Variants in TMEM221 observed in about 807,000 individuals in gnomAD.
The protein encoded by TMEM221 is Putative transmembrane protein ENSP00000342162.
TMEM221 carries 11 observed loss-of-function variants against 10.2 expected under a neutral mutation model. The ratio of observed to expected loss-of-function variants is 1.08; its 90% CI spans 0.68 to 1.79. The LOEUF (loss-of-function observed/expected upper bound fraction) is 1.79, where lower values mean the gene tolerates loss of function less well. TMEM221 is among the 40% of genes most tolerant of loss of function. The pLI is 0.00. For synonymous variants in TMEM221, 172 were observed against 199.8 expected (o/e 0.86, Z 1.18); for missense variants, 382 against 417.7 (o/e 0.91, Z 0.75).
chr19:17,447,002 A>G (rs936549725), intron 1 of TMEM221, among the ~76,000 whole-genome samples: 11 of 151,902 alleles, frequency 7.2e-5, no homozygotes, highest in Non-Finnish European at 1.2e-4. Context: ...TGGGTGGGTC[A>G]TTTGAGGTCA....
chr19:17,438,905 T>C (rs2074920592), intron 2 of TMEM221, among the ~76,000 whole-genome samples: 1 of 142,954 alleles, frequency 7.0e-6, no homozygotes, highest in Non-Finnish European at 1.5e-5. Flanking sequence ...ACACCTGCTC[T>C]ATCTCTTAAG....
intron 2 of TMEM221, 133 bp downstream of exon 2, chr19:17,445,066 C>A: frequency 1.3e-6 from 1 of 767,080 alleles, no homozygotes; most frequent in South Asian, 1.7e-5. Flanking sequence ...CCCAAGGCAC[C>A]AAAGCAAAGA....
chr19:17,445,101 CAAG>C (rs2074947667), intron 2 of TMEM221, 95 bp downstream of exon 2: 2 of 1,130,824 alleles, frequency 1.8e-6, no homozygotes, highest in South Asian at 1.4e-5. Context: ...GAGTTGAACT[CAAG>C]GAGGCTGTCT....
At chr19:17,444,389 C>A (rs1227884697) in intron 2 of TMEM221, among the ~76,000 whole-genome samples, 2 of 151,626 alleles carry the variant, frequency 1.3e-5, no homozygotes, top group Non-Finnish European at 2.9e-5. Context: ...GGCCAAAATG[C>A]TATCTTTAGA....
At chr19:17,437,005 G>T in intron 2 of TMEM221, 78 bp from the exon 3 acceptor site, 6 of 1,166,330 alleles carry the variant, frequency 5.1e-6, no homozygotes, top group Non-Finnish European at 6.7e-6. Context: ...CTTGCACACA[G>T]GGAGAAATTA....
chr19:17,445,178 A>C, intron 2 of TMEM221, 21 bp downstream of exon 2: 2 of 1,531,902 alleles, frequency 1.3e-6, no homozygotes, highest in Non-Finnish European at 1.7e-6. Context: ...CCCATGCCCC[A>C]CGTTCTATTC....
chr19:17,438,108 A>G (rs1295777332), intron 2 of TMEM221, among the ~76,000 whole-genome samples: 1 of 109,594 alleles, frequency 9.1e-6, no homozygotes, highest in Non-Finnish European at 1.8e-5. Flanking sequence ...TTTTTTTTTG[A>G]GACAGAATCT....
intron 1 of TMEM221, 106 bp from the exon 2 acceptor site, chr19:17,445,390 A>T (rs2074949053): frequency 2.3e-6 from 2 of 883,068 alleles, no homozygotes; most frequent in Non-Finnish European, 3.4e-6. Context: ...ACAAGGACCC[A>T]GCTTTCAGGG....
In TMEM221 at chr19:17,445,259, G is replaced by A. The variant is rs932780458; in HGVS notation, c.346C>T (p.Arg116Cys). ...CCAAGGGCCACATGTCTGAGGAGGC[G>A]GCAGTCGTAGAGAAACCAGTCAGAC... ...RRSDWFLYDCRLLRHVALGLF... is the reference protein window; with the variant it reads ...RRSDWFLYDCCLLRHVALGLF... The change falls in exon 2 of 3, where the codon CGC becomes TGC. Residue 116 changes from arginine to cysteine, a missense_variant. Coordinates refer to ENST00000341130, the MANE Select transcript of TMEM221 (RefSeq NM_001190844.2). 9.9e-5 allele frequency: 152 copies of A among 1,535,720 alleles called. No individual in the cohort carries two copies. The highest frequency in any genetic ancestry group is 1.3e-4 in the Non-Finnish European group (145 of 1,146,660).
intron 1 of TMEM221, 24 bp from the exon 2 acceptor site, chr19:17,445,308 A>G (rs1194934085): frequency 1.1e-5 from 17 of 1,525,346 alleles, no homozygotes; most frequent in Non-Finnish European, 1.4e-5. Flanking sequence ...GAGCAGGAAG[A>G]TAAAGGGTTC....
At chr19:17,440,583 G>T (rs1483852947) in intron 2 of TMEM221, among the ~76,000 whole-genome samples, 6 of 152,148 alleles carry the variant, frequency 3.9e-5, no homozygotes, top group Non-Finnish European at 8.8e-5. Context: ...AACTTAACTG[G>T]GTATGGTGGT....
chr19:17,436,651 T>C lies in TMEM221; in HGVS notation c.683A>G (p.Asp228Gly). 1.3e-6 allele frequency: 2 copies of C among 1,535,754 alleles called. No individual in the cohort carries two copies. Among genetic ancestry groups the C allele is most frequent in the Non-Finnish European group, 1.7e-6 (2 of 1,146,774 alleles). Reference sequence around the variant, plus strand: ...GGCAGTGGCCATGGACCCAAAGGGGTCCCCAGGCTCTGGACAGGTTGAATA... The same window carrying C: ...GGCAGTGGCCATGGACCCAAAGGGGCCCCCAGGCTCTGGACAGGTTGAATA... ...TPYSTCPEPG[D>G]PFGSMATATA... is the part of the protein sequence containing the mutation. The change falls in exon 3 of 3, where the codon GAC (aspartate) becomes GGC (glycine). Residue 228 changes from aspartate to glycine, a missense_variant. Transcript: ENST00000341130.
Position 17,448,209 on chromosome 19 carries a change from C to T in TMEM221, c.254G>A (p.Cys85Tyr). The T allele has an allele frequency of 4.9e-6, 7 of 1,428,640 alleles. No homozygotes were observed. The East Asian group carries it at 2.1e-4, about 43-fold the overall frequency. 88.5% of individuals were successfully genotyped at this position (1,428,640 alleles called of 1,614,324 possible). The change falls in exon 1 of 3, where the codon TGC becomes TAC. Residue 85 changes from cysteine (C) to tyrosine (Y), a missense_variant. Cys to Tyr is a radical substitution (Grantham distance 194). Coordinates refer to ENST00000341130, the MANE Select transcript of TMEM221 (RefSeq NM_001190844.2). The surrounding 1 kb of genome is among the most constrained non-coding windows in gnomAD (Gnocchi z 4.7). ...GCCACAGAGCGCGGCGAGCAGCAAG[C>T]AGGTGAACCCCAGCACGAGCACCAG... ...AALVLVLGFT[C>Y]LLLAALCGHL...
At chr19:17,446,805 C>T (rs1325676096) in intron 1 of TMEM221, among the ~76,000 whole-genome samples, 4 of 152,136 alleles carry the variant, frequency 2.6e-5, no homozygotes, top group Middle Eastern at 3.2e-3. Flanking sequence ...GATCATGGCT[C>T]ACTGCAGCCT....
rs545289728 is a variant in TMEM221 at position 17,436,748 on chromosome 19, C to T, written c.586G>A (p.Ala196Thr). 2.2e-4 allele frequency: 338 copies of T among 1,523,566 alleles called. No individual in the cohort carries two copies. The highest frequency in any genetic ancestry group is 2.9e-4 in the Non-Finnish European group (334 of 1,139,442). 94.4% of individuals were successfully genotyped at this position (1,523,566 alleles called of 1,614,324 possible). The part of the protein sequence containing the change: ...LSPPSFEDDL[A>T]RPAEVSKASP... The stretch of plus-strand genomic sequence containing the variant: ...GCCTTGGAGACTTCGGCAGGGCGGG[C>T]GAGGTCGTCTTCAAAGGATGGCGGG... The change falls in exon 3 of 3, where the codon GCC becomes ACC. Residue 196 changes from alanine (A) to threonine (T), a missense_variant. By Grantham distance (58) the Ala-to-Thr change is moderately conservative. Transcript: ENST00000341130.
chr19:17,440,257 C>T (rs1363489771), intron 2 of TMEM221, among the ~76,000 whole-genome samples: 61 of 137,058 alleles, frequency 4.5e-4, no homozygotes, highest in African/African-American at 1.4e-3. Context: ...GATGGAATCT[C>T]GCTCTGTCAC....
chr19:17,442,442 C>CTTT (rs35930067), intron 2 of TMEM221, among the ~76,000 whole-genome samples: 3 of 137,550 alleles, frequency 2.2e-5, no homozygotes, highest in Non-Finnish European at 3.1e-5. Context: ...TCTTTTCTTT[C>CTTT]TTTTTTTTTT....
At chr19:17,442,799 C>T (rs900574937) in intron 2 of TMEM221, among the ~76,000 whole-genome samples, 14 of 151,948 alleles carry the variant, frequency 9.2e-5, no homozygotes, top group African/African-American at 1.9e-4. Context: ...AAGCCAACTT[C>T]CCCTGACAAT....
At position 17,436,439 on chromosome 19, in the gene TMEM221, C is replaced by G; in HGVS notation, c.*19G>C. 1 of 1,480,304 alleles carries G rather than the reference C, an allele frequency of 6.8e-7. No homozygotes were observed. The highest frequency in any genetic ancestry group is 9.0e-7 in the Non-Finnish European group (1 of 1,112,064). 91.7% of individuals were successfully genotyped at this position (1,480,304 alleles called of 1,614,324 possible). A position where few individuals can be genotyped will look rare whatever the true frequency, so the allele number is the denominator to read the frequency against. On this transcript the variant is annotated 3_prime_UTR_variant, in exon 3 of 3. Coordinates refer to ENST00000341130, the MANE Select transcript of TMEM221 (RefSeq NM_001190844.2). The stretch of plus-strand genomic sequence containing the variant: ...GGTATCCTTTTCTTACACCAGGTCT[C>G]TATTCCTCATCCCTGGGCTCACACC...
Sources: gnomAD v4.1 joint callset for allele counts (sites outside exome capture counted in the v4.1 genomes callset) on GRCh38, gnomAD v4.1.1 for gene constraint, Gnocchi (gnomAD v3.1) non-coding constraint, MANE v1.5 for transcripts, NCBI Gene and HGNC (gene_info 2026-07-23, HGNC 2026-07-21) for gene names.